FAT3: variants seen among roughly 807,000 people sequenced by gnomAD.
FAT3 encodes the protein FAT atypical cadherin 3.
In FAT3, 95 loss-of-function variants were observed where a neutral mutation model predicts 310.2. The ratio of observed to expected loss-of-function variants is 0.31; its 90% CI spans 0.26 to 0.36. FAT3 has a LOEUF of 0.36. FAT3 is among the 10% of genes least tolerant of loss of function. The pLI, the probability that FAT3 is intolerant of heterozygous loss-of-function variation, is 1.00. For synonymous variants in FAT3, 2,314 were observed against 2,192.9 expected (o/e 1.06, Z -1.54); for missense variants, 5,408 against 5,715.6 (o/e 0.95, Z 1.74).
At chr11:92,436,785 T>C (rs1950949450) in intron 2 of FAT3, among the ~76,000 whole-genome samples, 1 of 152,204 alleles carries the variant, frequency 6.6e-6, no homozygotes, top group Admixed American at 6.5e-5. Context: ...CCCACTTTGA[T>C]ATTCTGGTTC....
At chr11:92,320,671 C>A (rs1186500205) in intron 1 of FAT3, among the ~76,000 whole-genome samples, 3 of 151,878 alleles carry the variant, frequency 2.0e-5, no homozygotes, top group Non-Finnish European at 4.4e-5. Flanking sequence ...AGTTTGAGAC[C>A]AGCCTGACCA....
chr11:92,595,266 G>C (rs1375495274), intron 3 of FAT3, among the ~76,000 whole-genome samples: 2 of 152,050 alleles, frequency 1.3e-5, no homozygotes, highest in Non-Finnish European at 2.9e-5. Context: ...TGGAGGAGGA[G>C]TCCACATCCC....
chr11:92,622,353 A>C (rs569893524), intron 3 of FAT3, among the ~76,000 whole-genome samples: 27 of 152,318 alleles, frequency 1.8e-4, no homozygotes, highest in African/African-American at 6.0e-4. Flanking sequence ...CTTAGTAATA[A>C]AATTATTTTT....
At chr11:92,805,504 T>C (rs1384753064) in intron 11 of FAT3, among the ~76,000 whole-genome samples, 155 bp downstream of exon 11, 2 of 150,936 alleles carry the variant, frequency 1.3e-5, no homozygotes, top group African/African-American at 4.9e-5. Context: ...TAGGAAGAAA[T>C]ATTGAAAACA....
intron 4 of FAT3, 60 bp from the exon 5 acceptor site, chr11:92,761,796 T>A: frequency 6.7e-7 from 1 of 1,498,648 alleles, no homozygotes; most frequent in South Asian, 1.3e-5. Flanking sequence ...ACCCATAGGT[T>A]AACATGTAAT....
chr11:92,313,483 TTA>T (rs1419560567), intron 1 of FAT3, among the ~76,000 whole-genome samples: 1 of 152,220 alleles, frequency 6.6e-6, no homozygotes, highest in East Asian at 1.9e-4. Context: ...ACCATTTTTA[TTA>T]TGTTTCTGCT....
intron 2 of FAT3, among the ~76,000 whole-genome samples, chr11:92,521,304 A>T (rs1364993373): frequency 6.6e-6 from 1 of 152,160 alleles, no homozygotes; most frequent in Non-Finnish European, 1.5e-5. Context: ...AAAAGGCCAG[A>T]TACTTTCACA....
intron 1 of FAT3, among the ~76,000 whole-genome samples, chr11:92,272,289 C>T (rs1205048085): frequency 6.6e-6 from 1 of 152,056 alleles, no homozygotes; most frequent in Non-Finnish European, 1.5e-5. Flanking sequence ...AGAAATCAAG[C>T]ACATAAGGCC....
chr11:92,331,458 A>C (rs1297001105), intron 1 of FAT3, among the ~76,000 whole-genome samples: 1 of 152,188 alleles, frequency 6.6e-6, no homozygotes, highest in East Asian at 1.9e-4. Context: ...GTAAAATGAC[A>C]CTAAACATAG....
chr11:92,586,488 T>A (rs1792354), intron 3 of FAT3, among the ~76,000 whole-genome samples: 1 of 151,796 alleles, frequency 6.6e-6, no homozygotes, highest in Admixed American at 6.6e-5. Context: ...TTTTAAAAGG[T>A]GTCTCTGAGT....
intron 3 of FAT3, among the ~76,000 whole-genome samples, chr11:92,618,999 A>G (rs1340758616): frequency 6.6e-6 from 1 of 152,116 alleles, no homozygotes; most frequent in African/African-American, 2.4e-5. Context: ...CCCTTTTTCA[A>G]GTTGAGAAAG....
intron 1 of FAT3, among the ~76,000 whole-genome samples, chr11:92,314,811 T>G (rs1238803730): frequency 6.6e-6 from 1 of 152,186 alleles, no homozygotes; most frequent in Non-Finnish European, 1.5e-5. Context: ...AGTTGCCAAG[T>G]GGAGCTCTCC....
At chr11:92,654,037 C>T (rs1942483253) in intron 3 of FAT3, among the ~76,000 whole-genome samples, 1 of 152,074 alleles carries the variant, frequency 6.6e-6, no homozygotes, top group African/African-American at 2.4e-5. Flanking sequence ...ATTTCTTTTT[C>T]TGTAGCATAT....
At chr11:92,582,112 G>T (rs574987) in intron 3 of FAT3, among the ~76,000 whole-genome samples, 114,784 of 151,722 alleles carry the variant, frequency 0.76, 45,334 homozygotes, top group Non-Finnish European at 0.88. Context: ...ATCTGTTAAC[G>T]GTCATGGCAC....
In FAT3 at chr11:92,442,079, TTTTATATATATATA is replaced by T. The variant is rs1208146563; in HGVS notation, c.3293-82553_3293-82540del. On this transcript the variant is annotated intron_variant, in intron 2 of 27. Coordinates refer to ENST00000525166, the MANE Select transcript of FAT3 (RefSeq NM_001367949.2). ...AAGTGCAAAACTTAAGAAATATATA[TTTTATATATATATA>T]TATATATATATATATATATTTTTTT... Among the ~76,000 whole-genome samples the T allele has an allele frequency of 1.5e-3, 99 of 67,204 alleles. 3 individuals carry two copies. Among genetic ancestry groups the T allele is most frequent in the African/African-American group, 7.0e-3 (99 of 14,228 alleles). The allele number at this position is 67,204 out of a possible 152,430, so 44.1% of individuals were successfully genotyped here. A position where few individuals can be genotyped will look rare whatever the true frequency, so the allele number is the denominator to read the frequency against.
intron 1 of FAT3, among the ~76,000 whole-genome samples, chr11:92,349,558 A>T (rs1948508079): frequency 6.6e-6 from 1 of 152,154 alleles, no homozygotes; most frequent in African/African-American, 2.4e-5. Flanking sequence ...AAAACCCCAA[A>T]TGTATCATTT....
At chr11:92,229,509 TTTTTG>T (rs1392533432) in intron 1 of FAT3, among the ~76,000 whole-genome samples, 12,534 of 97,702 alleles carry the variant, frequency 0.13, 1,998 homozygotes, top group Admixed American at 0.23. Context: ...TTTTTTTTGT[TTTTTG>T]TTTTTTTTTA....
intron 2 of FAT3, among the ~76,000 whole-genome samples, chr11:92,441,533 C>G (rs986259338): frequency 6.6e-6 from 1 of 152,182 alleles, no homozygotes; most frequent in Non-Finnish European, 1.5e-5. Flanking sequence ...CCAACTGGAA[C>G]TCCACAGTGT....
At chr11:92,613,847 G>T (rs1940681643) in intron 3 of FAT3, among the ~76,000 whole-genome samples, 1 of 152,108 alleles carries the variant, frequency 6.6e-6, no homozygotes, top group African/African-American at 2.4e-5. Context: ...ACAATTTTAG[G>T]ACATGTTATA....
Sources: allele counts gnomAD v4.1 joint callset (sites outside exome capture counted in the v4.1 genomes callset), GRCh38; gene constraint gnomAD v4.1.1; transcripts MANE v1.5; gene names NCBI Gene and HGNC (gene_info 2026-07-23, HGNC 2026-07-21).